ANKS1B: variants seen among roughly 807,000 people sequenced by gnomAD.
ANKS1B encodes the protein ankyrin repeat and sterile alpha motif domain-containing protein 1B.
ANKS1B carries 36 observed loss-of-function variants against 148.3 expected under a neutral mutation model. That is an observed-to-expected ratio of 0.24 (90% CI 0.19 to 0.32). ANKS1B has a LOEUF of 0.32. Ranked by LOEUF, ANKS1B falls within the 10% of genes least tolerant of loss-of-function variation. The pLI, the probability that ANKS1B is intolerant of heterozygous loss-of-function variation, is 1.00. For missense variants in ANKS1B, 1,157 were observed against 1,542.6 expected, an observed-to-expected ratio of 0.75 and a Z score of 4.19; for synonymous variants, 542 against 560.8, an observed-to-expected ratio of 0.97 and a Z score of 0.47.
intron 8 of ANKS1B, among the ~76,000 whole-genome samples, chr12:99,670,620 C>T (rs536892365): frequency 6.6e-6 from 1 of 152,008 alleles, no homozygotes; most frequent in Admixed American, 6.6e-5. Flanking sequence ...AGACACATAT[C>T]TATACATAAC....
At chr12:99,656,792 A>T (rs1217837508) in intron 8 of ANKS1B, among the ~76,000 whole-genome samples, 1 of 152,172 alleles carries the variant, frequency 6.6e-6, no homozygotes, top group African/African-American at 2.4e-5. Flanking sequence ...AAAGAAATAC[A>T]CTAAATTGTC....
chr12:99,551,178 C>T (rs980739448), intron 9 of ANKS1B, among the ~76,000 whole-genome samples: 7 of 152,264 alleles, frequency 4.6e-5, no homozygotes, highest in African/African-American at 1.4e-4. Flanking sequence ...CACAGAGTCT[C>T]TGATGAATTA....
chr12:99,159,824 G>T (rs1273019952), intron 14 of ANKS1B, among the ~76,000 whole-genome samples: 1 of 152,152 alleles, frequency 6.6e-6, no homozygotes, highest in Non-Finnish European at 1.5e-5. Flanking sequence ...CACAGAGTCT[G>T]AACTAAGTGA....
intron 15 of ANKS1B, among the ~76,000 whole-genome samples, chr12:99,145,864 A>G (rs1445751272): frequency 1.3e-5 from 2 of 152,032 alleles, no homozygotes; most frequent in Non-Finnish European, 2.9e-5. Flanking sequence ...AACCTTGTTG[A>G]GTTTCATCCT....
chr12:99,869,135 TG>T (rs1432342841), intron 1 of ANKS1B, among the ~76,000 whole-genome samples: 2 of 152,036 alleles, frequency 1.3e-5, no homozygotes, highest in Non-Finnish European at 2.9e-5. Flanking sequence ...ATACTGAAAA[TG>T]TCAATTTCTC....
chr12:99,443,931 C>G (rs1041044067), intron 10 of ANKS1B, 122 bp from the exon 11 acceptor site: 3 of 1,135,878 alleles, frequency 2.6e-6, no homozygotes, highest in Non-Finnish European at 3.8e-6. Context: ...ATTACAAGAT[C>G]ATAATGAGGA....
chr12:98,909,516 C>T (rs181918916), intron 17 of ANKS1B, among the ~76,000 whole-genome samples: 124 of 152,278 alleles, frequency 8.1e-4, no homozygotes, highest in Admixed American at 2.3e-3. Context: ...ATCTAGAGTT[C>T]TGGCATCGTA....
chr12:99,333,106 A>C (rs2152286919), intron 12 of ANKS1B, among the ~76,000 whole-genome samples: 1 of 152,238 alleles, frequency 6.6e-6, no homozygotes, highest in South Asian at 2.1e-4. Flanking sequence ...ATTTGGCTGA[A>C]GCACAAAGTA....
intron 8 of ANKS1B, among the ~76,000 whole-genome samples, chr12:99,688,537 C>A (rs957333373): frequency 1.3e-5 from 2 of 151,972 alleles, no homozygotes; most frequent in Non-Finnish European, 2.9e-5. Flanking sequence ...CGGAAAATAT[C>A]AATATAAAGA....
At chr12:99,293,942 C>T (rs1018400031) in intron 12 of ANKS1B, among the ~76,000 whole-genome samples, 4 of 152,164 alleles carry the variant, frequency 2.6e-5, no homozygotes. Context: ...CAACACTGAT[C>T]ATCAGAGAAA....
At chr12:99,176,545 T>C (rs551859292) in intron 14 of ANKS1B, among the ~76,000 whole-genome samples, 15 of 152,284 alleles carry the variant, frequency 9.9e-5, no homozygotes, top group African/African-American at 2.9e-4. Flanking sequence ...TTCATTGATA[T>C]GCACTTCTAC....
chr12:98,924,335 T>C (rs1412964449), intron 17 of ANKS1B, among the ~76,000 whole-genome samples: 1 of 152,260 alleles, frequency 6.6e-6, no homozygotes, highest in Middle Eastern at 3.2e-3. Context: ...GTCATTTATT[T>C]CTCTGTTCAG....
intron 8 of ANKS1B, among the ~76,000 whole-genome samples, chr12:99,740,181 C>T (rs2153579694): frequency 6.6e-6 from 1 of 152,136 alleles, no homozygotes; most frequent in Middle Eastern, 3.4e-3. Flanking sequence ...CATGGTGGCA[C>T]ACACTTACAA....
At chr12:99,205,492 A>G (rs1281232042) in intron 14 of ANKS1B, among the ~76,000 whole-genome samples, 2 of 152,156 alleles carry the variant, frequency 1.3e-5, no homozygotes, top group Non-Finnish European at 2.9e-5. Flanking sequence ...AAGGGACCCA[A>G]ATGACACTGC....
At chr12:99,202,206 T>G (rs2082148965) in intron 14 of ANKS1B, among the ~76,000 whole-genome samples, 1 of 152,222 alleles carries the variant, frequency 6.6e-6, no homozygotes, top group South Asian at 2.1e-4. Context: ...GACTTTGTAA[T>G]CAATAGGACT....
chr12:98,939,385 G>A (rs938235843), intron 17 of ANKS1B, among the ~76,000 whole-genome samples: 8 of 152,220 alleles, frequency 5.3e-5, no homozygotes, highest in Non-Finnish European at 1.2e-4. Flanking sequence ...ATTGGCTGAA[G>A]TTCCTTTTGT....
chr12:99,125,823 A>G (rs2888397), intron 15 of ANKS1B, among the ~76,000 whole-genome samples: 90,942 of 151,764 alleles, frequency 0.6, 27,621 homozygotes, highest in East Asian at 0.75. Flanking sequence ...TTTTCTTAAA[A>G]AAAATTAAGG....
At chr12:99,627,160 T>G (rs1567510071) in intron 9 of ANKS1B, among the ~76,000 whole-genome samples, 1 of 152,188 alleles carries the variant, frequency 6.6e-6, no homozygotes, top group Non-Finnish European at 1.5e-5. Context: ...TTTGCTGCTA[T>G]AGCAACTATA....
chr12:99,182,585 A>C (rs1173953840), intron 14 of ANKS1B, among the ~76,000 whole-genome samples: 3 of 152,090 alleles, frequency 2.0e-5, no homozygotes, highest in Admixed American at 6.6e-5. Context: ...GGTTTTTTCC[A>C]AATCTTGGCT....
Sources: gnomAD v4.1 joint callset for allele counts (sites outside exome capture counted in the v4.1 genomes callset) on GRCh38, gnomAD v4.1.1 for gene constraint, MANE v1.5 for transcripts, NCBI Gene and HGNC (gene_info 2026-07-23, HGNC 2026-07-21) for gene names.